The following FBXO7 variants were observed in gnomAD, a reference collection of about 807,000 sequenced individuals.
FBXO7 encodes the protein F-box only protein 7.
FBXO7 carries 31 observed loss-of-function variants against 50.2 expected under a neutral mutation model. That is an observed-to-expected ratio of 0.62 (90% confidence interval 0.46 to 0.83). FBXO7 has a LOEUF of 0.83. FBXO7 is among the 40% of genes least tolerant of loss of function. FBXO7 has a pLI of 0.00. For synonymous variants in FBXO7, 256 were observed against 253.1 expected, an observed-to-expected ratio of 1.01 and a Z score of -0.11; for missense variants, 667 against 646.6, an observed-to-expected ratio of 1.03 and a Z score of -0.34.
At chr22:32,492,351 T>G (rs1017071193) in intron 6 of FBXO7, 2 of 152,298 alleles carry the variant, frequency 1.3e-5, no homozygotes, top group African/African-American at 4.8e-5. Context: ...CATGTAGATA[T>G]GTCTGTTGGA....
At chr22:32,475,425 T>C (rs1158174850) in intron 1 of FBXO7, 1 of 1,609,872 alleles carries the variant, frequency 6.2e-7, no homozygotes, top group Non-Finnish European at 8.5e-7. Flanking sequence ...GGTTTTGCAG[T>C]AAACGGAACC....
Position 32,485,135 on chromosome 22 carries a change from A to G in FBXO7, c.713A>G (p.Tyr238Cys), listed in dbSNP as rs775855136. Residue 238 changes from tyrosine to cysteine, a missense_variant, in exon 4 of 9, where the codon TAC becomes TGC. By Grantham distance (194) the Tyr-to-Cys change is radical. Coordinates refer to ENST00000266087, the MANE Select transcript of FBXO7 (RefSeq NM_012179.4). ...WKLSGVYKLQ[Y>C]MHPLCEGSSA... ...TTGAGCGGGGTGTATAAGCTGCAGT[A>G]CATGCATCCTCTCTGCGAGGGCAGC... is the stretch of plus-strand genomic sequence containing the variant. 2 of 1,614,208 alleles carry G rather than the reference A, an allele frequency of 1.2e-6. No individual in the cohort carries two copies. The highest frequency in any genetic ancestry group is 1.7e-6 in the Non-Finnish European group (2 of 1,180,030).
rs1429697247 is a variant in FBXO7 at position 32,493,142 on chromosome 22, C to T, written c.1005C>T (p.Leu335=). ...NLPDVFGLVV[L]PLELKLRIFR... is the part of the protein sequence containing the mutation. ...CAGATGTATTTGGGTTGGTCGTCCT[C>T]CCATTGGAACTGAAACTACGGATCT... Residue 335 remains leucine, a synonymous_variant, in exon 7 of 9, where the codon CTC becomes CTT. Transcript: ENST00000266087. 2 of 1,614,188 alleles carry T rather than the reference C, an allele frequency of 1.2e-6. No homozygotes were observed. The highest frequency in any genetic ancestry group is 2.2e-5 in the South Asian group (2 of 91,082).
At position 32,475,573 on chromosome 22, in the gene FBXO7, A is replaced by G. The variant is rs1447070936; in HGVS notation, c.122+449A>G. 36 of 828,116 alleles carry G rather than the reference A, an allele frequency of 4.3e-5. 1 individual carries two copies. The highest frequency in any genetic ancestry group is 5.5e-5 in the Non-Finnish European group (31 of 563,998). The allele number at this position is 828,116 out of a possible 1,614,324, so 51.3% of individuals were successfully genotyped here. A position where few individuals can be genotyped will look rare whatever the true frequency, so the allele number is the denominator to read the frequency against. ...TCAGCTGTTGGAGTATTTCAATGAA[A>G]AAGTTTGGAAATTGCTAGAAGTTAA... On this transcript the variant is annotated intron_variant, in intron 1 of 8. Coordinates refer to ENST00000266087, the MANE Select transcript of FBXO7 (RefSeq NM_012179.4).
In FBXO7 at chr22:32,495,479, C is replaced by A. The variant is rs763809959; in HGVS notation, c.1145-14C>A. ...AATGTTTTTAAATCCTTATTTTTCC[C>A]TTTTCCTTTGTAGACAATACTGTCA... On this transcript the variant is annotated splice_polypyrimidine_tract_variant and intron_variant, in intron 7 of 8. Transcript: ENST00000266087. The A allele has an allele frequency of 5.7e-6, 9 of 1,565,298 alleles. No homozygotes were observed. Among genetic ancestry groups the A allele is most frequent in the Middle Eastern group, 1.7e-4 (1 of 5,956 alleles).
At chr22:32,498,009 CATTGGTTTGGGACTAA>C (rs2057586489) in intron 8 of FBXO7, 119 bp from the exon 9 acceptor site, 1 of 962,330 alleles carries the variant, frequency 1.0e-6, no homozygotes, top group Non-Finnish European at 1.6e-6. Flanking sequence ...TGGTTTATTG[CATTGGTTTGGGACTAA>C]ATCCACAATA....
At chr22:32,478,414 A>T (rs1346130630) in intron 1 of FBXO7, among the ~76,000 whole-genome samples, 1 of 152,216 alleles carries the variant, frequency 6.6e-6, no homozygotes, top group Non-Finnish European at 1.5e-5. Flanking sequence ...AATTTCAAAG[A>T]TGTCAAAAAA....
Position 32,474,843 on chromosome 22 carries a change from C to T in FBXO7, c.-160C>T. Reference sequence around the variant, plus strand: ...TCCAGAGACCGAGTGGCAGGGCGGCCACTGTGGCGGGGCTCTTTCCCCGTT... The same window carrying T: ...TCCAGAGACCGAGTGGCAGGGCGGCTACTGTGGCGGGGCTCTTTCCCCGTT... On this transcript the variant is annotated 5_prime_UTR_variant, in exon 1 of 9. Transcript: ENST00000266087. 1 of 693,616 alleles carries T rather than the reference C, an allele frequency of 1.4e-6. No homozygotes were observed. The highest frequency in any genetic ancestry group is 1.9e-5 in the African/African-American group (1 of 52,528). The allele number at this position is 693,616 out of a possible 1,614,324, so 43.0% of individuals were successfully genotyped here.
In FBXO7 at chr22:32,475,054, G is replaced by A. The variant is rs1412416225; in HGVS notation, c.52G>A (p.Glu18Lys). 1 of 1,545,192 alleles carries A rather than the reference G, an allele frequency of 6.5e-7. No homozygotes were observed. The highest frequency in any genetic ancestry group is 1.2e-5 in the South Asian group (1 of 83,832). Residue 18 changes from glutamate to lysine, a missense_variant, in exon 1 of 9, where the codon GAG becomes AAG. Physicochemically the swap from Glu to Lys is moderately conservative, Grantham distance 56. Coordinates refer to ENST00000266087, the MANE Select transcript of FBXO7 (RefSeq NM_012179.4). The part of the protein sequence containing the change: ...LKRTWPLEVP[E>K]TEPTLGHLRS... ...GCGGACCTGGCCGCTGGAGGTGCCC[G>A]AGACGGAGCCGACGCTGGGGCATTT...
intron 1 of FBXO7, among the ~76,000 whole-genome samples, chr22:32,476,649 G>C (rs192702876): frequency 1.1e-4 from 16 of 152,134 alleles, no homozygotes; most frequent in African/African-American, 3.4e-4. Context: ...AGTGGAGCTA[G>C]GATTGTCATG....
chr22:32,485,292 T>C, intron 4 of FBXO7, 83 bp downstream of exon 4: 2 of 1,517,578 alleles, frequency 1.3e-6, no homozygotes, highest in East Asian at 2.3e-5. Flanking sequence ...ACTTCAGTGA[T>C]TGGCTATCAT....
chr22:32,495,381 T>TTTTTTTC, intron 7 of FBXO7, 112 bp from the exon 8 acceptor site: 4 of 609,126 alleles, frequency 6.6e-6, no homozygotes, highest in South Asian at 2.0e-5. Context: ...TTTTTTTTTT[T>TTTTTTTC]TTATGCTTAA....
At chr22:32,493,388 A>C in intron 7 of FBXO7, 107 bp downstream of exon 7, 1 of 888,852 alleles carries the variant, frequency 1.1e-6, no homozygotes, top group Non-Finnish European at 1.9e-6. Flanking sequence ...AATGATTACA[A>C]TAAATAGCCT....
intron 4 of FBXO7, 196 bp from the exon 5 acceptor site, chr22:32,487,549 G>T: frequency 1.8e-6 from 1 of 546,090 alleles, no homozygotes; most frequent in Non-Finnish European, 3.3e-6. Flanking sequence ...GTGTTGTAGA[G>T]TGATTTTACT....
intron 7 of FBXO7, among the ~76,000 whole-genome samples, chr22:32,494,640 A>C (rs914679769): frequency 1.3e-5 from 2 of 152,242 alleles, no homozygotes; most frequent in Non-Finnish European, 2.9e-5. Context: ...TGTATATGGA[A>C]GCACCGAGAA....
At chr22:32,484,691 A>C (rs992321624) in intron 3 of FBXO7, among the ~76,000 whole-genome samples, 5 of 152,232 alleles carry the variant, frequency 3.3e-5, no homozygotes, top group Admixed American at 1.3e-4. Flanking sequence ...TAGGGGATGA[A>C]AGGAAATGGC....
chr22:32,483,807 C>A, intron 2 of FBXO7, 90 bp from the exon 3 acceptor site: 2 of 1,173,208 alleles, frequency 1.7e-6, no homozygotes, highest in South Asian at 1.3e-5. Flanking sequence ...TGTACTTTGA[C>A]TTTCAGCACT....
rs1243603705 is a variant in FBXO7, at chr22:32,498,315, C to T, written c.1354C>T (p.Pro452Ser). The change falls in exon 9 of 9, where the codon CCA (proline) becomes TCA (serine). Residue 452 changes from proline to serine, a missense_variant. Physicochemically the swap from Pro to Ser is moderately conservative, Grantham distance 74. Transcript: ENST00000266087. ...GIIGGEYDQR[P>S]TLPYVGDPIS... The stretch of plus-strand genomic sequence containing the variant: ...TATCGGGGGTGAATATGACCAAAGA[C>T]CAACACTTCCCTATGTTGGAGACCC... The T allele has an allele frequency of 1.9e-6, 3 of 1,614,068 alleles. No homozygotes were observed. The highest frequency in any genetic ancestry group is 2.5e-6 in the Non-Finnish European group (3 of 1,180,034).
chr22:32,475,517 T>C, intron 1 of FBXO7: 4 of 1,285,580 alleles, frequency 3.1e-6, no homozygotes, highest in Non-Finnish European at 4.3e-6. Context: ...GTTAAACCTT[T>C]CTGGACTGTG....
Sources: gnomAD v4.1 joint callset for allele counts (sites outside exome capture counted in the v4.1 genomes callset) on GRCh38, gnomAD v4.1.1 for gene constraint, MANE v1.5 for transcripts, NCBI Gene and HGNC (gene_info 2026-07-23, HGNC 2026-07-21) for gene names.